UBXN1: variants seen among roughly 807,000 people sequenced by gnomAD.
UBXN1 encodes UBX domain-containing protein 1.
Under a neutral mutation model 42.0 loss-of-function variants are expected in UBXN1, and 21 were observed. That is an observed-to-expected ratio of 0.50 (90% CI 0.35 to 0.72). UBXN1 has a LOEUF of 0.72. Among genes scored for constraint, UBXN1 ranks in the 30% least tolerant of loss-of-function variants. UBXN1 has a pLI of 0.00. For missense variants in UBXN1, 374 were observed against 382.2 expected (o/e 0.98, Z 0.18); for synonymous variants, 172 against 142.6 (o/e 1.21, Z -1.47).
rs1273485711 is a variant in UBXN1 at position 62,678,868 on chromosome 11, C to T, written c.56G>A (p.Arg19His). The T allele has an allele frequency of 6.2e-7, 1 of 1,605,186 alleles. No homozygotes were observed. Among genetic ancestry groups the T allele is most frequent in the Admixed American group, 1.7e-5 (1 of 59,232 alleles). Residue 19 changes from arginine to histidine, a missense_variant, in exon 1 of 9, where the codon CGC becomes CAC. By Grantham distance (29) the Arg-to-His change is conservative (BLOSUM62 0). Transcript: ENST00000301935. ...CGGGGTTGGGGAACTCCCTTACGCG[C>T]GTCCCCTGGGGAAGCCCATCTCGAT... The part of the protein sequence containing the change: ...SLIEMGFPRG[R>H]AEKALALTGN...
Position 62,676,983 on chromosome 11 carries a change from G to A in UBXN1, c.674C>T (p.Ser225Leu). 6.2e-7 allele frequency: 1 copy of A among 1,610,850 alleles called. No individual in the cohort carries two copies. The highest frequency in any genetic ancestry group is 8.5e-7 in the Non-Finnish European group (1 of 1,179,922). The change falls in exon 8 of 9, where the codon TCA (serine) becomes TTA (leucine). Residue 225 changes from serine to leucine, a missense_variant. Ser to Leu is a moderately radical substitution (Grantham distance 145, BLOSUM62 -2). Transcript: ENST00000301935. ...RIQVRLPDGT[S>L]LTQTFRAREQ... ...CCGGGCCCGGAACGTCTGGGTCAGTGAGGTCCCATCTGGCAGCCTGACCTA... is the reference window on the plus strand; with the variant it reads ...CCGGGCCCGGAACGTCTGGGTCAGTAAGGTCCCATCTGGCAGCCTGACCTA...
chr11:62,678,493 A>G lies in UBXN1; in HGVS notation c.220+2T>C, dbSNP rs770482012. On this transcript the variant is annotated splice_donor_variant, in intron 3 of 8. Coordinates refer to ENST00000301935, the MANE Select transcript of UBXN1 (RefSeq NM_001286077.2). LOFTEE classifies it high-confidence loss of function. Reference sequence around the variant, plus strand: ...ATCACACCGTGGACCCTCAGTCAGGACCTTCAAGGCCGCCTTGCTCTGAGG... The same window carrying G: ...ATCACACCGTGGACCCTCAGTCAGGGCCTTCAAGGCCGCCTTGCTCTGAGG... The G allele has an allele frequency of 6.2e-7, 1 of 1,612,568 alleles. No individual in the cohort carries two copies. Among genetic ancestry groups the G allele is most frequent in the South Asian group, 1.1e-5 (1 of 91,032 alleles).
Position 62,676,956 on chromosome 11 carries a change from T to TC in UBXN1, c.700dup (p.Glu234GlyfsTer40). On this transcript the variant is annotated frameshift_variant, in exon 8 of 9. Coordinates refer to ENST00000301935, the MANE Select transcript of UBXN1 (RefSeq NM_001286077.2). LOFTEE classifies it high-confidence loss of function. ...ATAGAGCCTCACAGCTGCCAGCTGT[T>TC]CCCGGGCCCGGAACGTCTGGGTCAG... is the stretch of plus-strand genomic sequence containing the variant. 1 of 1,612,554 alleles carries TC rather than the reference T, an allele frequency of 6.2e-7. No individual in the cohort carries two copies. The highest frequency in any genetic ancestry group is 8.5e-7 in the Non-Finnish European group (1 of 1,180,022).
In UBXN1 at chr11:62,677,724, G is replaced by C. The variant is rs762719858; in HGVS notation, c.534+57C>G. ...AGCCCATGCTTTCCCTCTGAAGCTG[G>C]AAAAGATTTACTAACCTGCCCACTC... On this transcript the variant is annotated intron_variant, in intron 6 of 8. Transcript: ENST00000301935. 1.1e-5 allele frequency: 18 copies of C among 1,613,708 alleles called. No homozygotes were observed. In the African/African-American group the frequency reaches 2.1e-4, roughly 19 times the overall value.
intron 4 of UBXN1, 65 bp downstream of exon 4, chr11:62,678,274 A>C: frequency 6.2e-7 from 1 of 1,611,468 alleles, no homozygotes; most frequent in Non-Finnish European, 8.5e-7. Flanking sequence ...AGGTTCTTTG[A>C]CCAGACGTGT....
At chr11:62,678,802 C>T in intron 1 of UBXN1, 59 bp from the exon 2 acceptor site, 1 of 1,611,474 alleles carries the variant, frequency 6.2e-7, no homozygotes, top group East Asian at 2.2e-5. Flanking sequence ...CAGGCTGGGG[C>T]AAAGGCCGAG....
Position 62,679,028 on chromosome 11 carries a change from C to T in UBXN1, c.-105G>A. The T allele has an allele frequency of 6.3e-6, 8 of 1,279,372 alleles. No individual in the cohort carries two copies. Among genetic ancestry groups the T allele is most frequent in the Non-Finnish European group, 8.6e-6 (8 of 933,178 alleles). The allele number at this position is 1,279,372 out of a possible 1,614,324, so 79.3% of individuals were successfully genotyped here. On this transcript the variant is annotated 5_prime_UTR_variant, in exon 1 of 9. Transcript: ENST00000301935. The stretch of plus-strand genomic sequence containing the variant: ...CCCTCGACACCCGCCGACGGGCGCT[C>T]GCTCTCTCACCCGGCTCTATAGCAG...
chr11:62,678,860 C>T lies in UBXN1; in HGVS notation c.59+5G>A. On this transcript the variant is annotated splice_donor_5th_base_variant and intron_variant, in intron 1 of 8. Transcript: ENST00000301935. ...CCGCAGGCCGGGGTTGGGGAACTCC[C>T]TTACGCGCGTCCCCTGGGGAAGCCC... 1 of 1,606,258 alleles carries T rather than the reference C, an allele frequency of 6.2e-7. No individual in the cohort carries two copies. Among genetic ancestry groups the T allele is most frequent in the Non-Finnish European group, 8.5e-7 (1 of 1,177,856 alleles).
intron 7 of UBXN1, 91 bp from the exon 8 acceptor site, chr11:62,677,096 T>C (rs1002649502): frequency 4.9e-6 from 7 of 1,414,872 alleles, no homozygotes; most frequent in Middle Eastern, 2.6e-4. Context: ...GGCCCCCTTC[T>C]TCTTAGATTG....
At chr11:62,677,885 AT>A in intron 5 of UBXN1, 41 bp downstream of exon 5, 1 of 1,614,098 alleles carries the variant, frequency 6.2e-7, no homozygotes, top group Non-Finnish European at 8.5e-7. Flanking sequence ...GCAAATCTTG[AT>A]TTCTTTCTCA....
intron 8 of UBXN1, 39 bp from the exon 9 acceptor site, chr11:62,676,678 C>T: frequency 6.2e-7 from 1 of 1,614,186 alleles, no homozygotes; most frequent in Non-Finnish European, 8.5e-7. Context: ...CACAAGGATA[C>T]TTGGTTTTTG....
chr11:62,676,877 C>A lies in UBXN1; in HGVS notation c.780G>T (p.Leu260Phe), dbSNP rs199740068. The change falls in exon 8 of 9, where the codon TTG becomes TTT. Residue 260 changes from leucine (L) to phenylalanine (F), a missense_variant. Leu to Phe is a conservative substitution (Grantham distance 22). Coordinates refer to ENST00000301935, the MANE Select transcript of UBXN1 (RefSeq NM_001286077.2). ...ELGGGQDPVQ[L>F]LSGFPRRAFS... ...AGGCCCGTCTGGGGAAGCCACTGAG[C>A]AATTGCACAGGGTCCTGGCCCCCAC... 1.1e-4 allele frequency: 180 copies of A among 1,613,964 alleles called. No homozygotes were observed. Among genetic ancestry groups the A allele is most frequent in the Non-Finnish European group, 5.9e-6 (7 of 1,180,050 alleles).
At position 62,679,025 on chromosome 11, in the gene UBXN1, G is replaced by A. The variant is rs1357519174; in HGVS notation, c.-102C>T. 9.9e-6 allele frequency: 13 copies of A among 1,319,778 alleles called. No individual in the cohort carries two copies. The highest frequency in any genetic ancestry group is 2.5e-5 in the East Asian group (1 of 39,606). The allele number at this position is 1,319,778 out of a possible 1,614,324, so 81.8% of individuals were successfully genotyped here. ...CCGCCCTCGACACCCGCCGACGGGC[G>A]CTCGCTCTCTCACCCGGCTCTATAG... On this transcript the variant is annotated 5_prime_UTR_variant, in exon 1 of 9. Coordinates refer to ENST00000301935, the MANE Select transcript of UBXN1 (RefSeq NM_001286077.2).
intron 7 of UBXN1, 57 bp downstream of exon 7, chr11:62,677,461 G>C (rs1945038522): frequency 9.0e-6 from 14 of 1,560,366 alleles, no homozygotes; most frequent in Non-Finnish European, 1.2e-5. Flanking sequence ...TCTGAGCTGG[G>C]CACCTTAACA....
intron 7 of UBXN1, 188 bp from the exon 8 acceptor site, chr11:62,677,193 C>G: frequency 1.5e-6 from 1 of 658,098 alleles, no homozygotes; most frequent in Non-Finnish European, 2.6e-6. Context: ...TCCCAGCTCC[C>G]TCACAACCTA....
chr11:62,678,676 G>A lies in UBXN1; in HGVS notation c.113+14C>T, dbSNP rs1205756714. The stretch of plus-strand genomic sequence containing the variant: ...CCAGCCCCCAATTCTCCGCCACCCG[G>A]GACGAGCGCTTACCAGTCCATCGCA... On this transcript the variant is annotated intron_variant, in intron 2 of 8. Transcript: ENST00000301935. 1.5e-6 allele frequency: 2 copies of A among 1,372,304 alleles called. No individual in the cohort carries two copies. Among genetic ancestry groups the A allele is most frequent in the African/African-American group, 1.5e-5 (1 of 67,368 alleles). 85.0% of individuals were successfully genotyped at this position (1,372,304 alleles called of 1,614,324 possible).
chr11:62,678,998 AC>A lies in UBXN1; in HGVS notation c.-76del. ...GGGCGGGAAGGGTCAGCGCGAGGCA[AC>A]CCGCCCTCGACACCCGCCGACGGGC... On this transcript the variant is annotated 5_prime_UTR_variant, in exon 1 of 9. Transcript: ENST00000301935. 6.7e-7 allele frequency: 1 copy of A among 1,488,528 alleles called. No homozygotes were observed. The allele number at this position is 1,488,528 out of a possible 1,614,324, so 92.2% of individuals were successfully genotyped here.
Position 62,676,971 on chromosome 11 carries a change from G to C in UBXN1, c.686C>G (p.Thr229Arg). The C allele has an allele frequency of 6.2e-7, 1 of 1,611,518 alleles. No homozygotes were observed. The highest frequency in any genetic ancestry group is 8.5e-7 in the Non-Finnish European group (1 of 1,180,012). Residue 229 changes from threonine (T) to arginine (R), a missense_variant, in exon 8 of 9, where the codon ACG (threonine) becomes AGG (arginine). Transcript: ENST00000301935. The stretch of plus-strand genomic sequence containing the variant: ...TGCCAGCTGTTCCCGGGCCCGGAAC[G>C]TCTGGGTCAGTGAGGTCCCATCTGG... ...RLPDGTSLTQ[T>R]FRAREQLAAV...
intron 2 of UBXN1, 44 bp downstream of exon 2, chr11:62,678,646 T>TC: frequency 3.7e-6 from 3 of 817,888 alleles, no homozygotes; most frequent in African/African-American, 2.5e-5. Flanking sequence ...AGGCTGCCCC[T>TC]CCCGCCAGCC....
Sources: gnomAD v4.1 joint callset for allele counts on GRCh38, gnomAD v4.1.1 for gene constraint, MANE v1.5 for transcripts, NCBI Gene and HGNC (gene_info 2026-07-23, HGNC 2026-07-21) for gene names.